CAPSL: variants seen among roughly 807,000 people sequenced by gnomAD.
CAPSL encodes calcyphosin-like protein.
A neutral mutation model predicts 21.3 loss-of-function variants in CAPSL; 17 were observed. The ratio of observed to expected loss-of-function variants is 0.80; its 90% CI spans 0.55 to 1.20. The LOEUF (loss-of-function observed/expected upper bound fraction) is 1.20. Ranked by LOEUF, CAPSL falls within the 50% of genes most tolerant of loss-of-function variation. CAPSL has a pLI of 0.00. For synonymous variants in CAPSL, 102 were observed against 89.3 expected, an observed-to-expected ratio of 1.14 and a Z score of -0.80; for missense variants, 289 against 259.3, an observed-to-expected ratio of 1.11 and a Z score of -0.79.
intron 1 of CAPSL, among the ~76,000 whole-genome samples, chr5:35,933,991 C>A (rs1238468895): frequency 1.3e-5 from 2 of 152,118 alleles, no homozygotes; most frequent in African/African-American, 2.4e-5. Context: ...CGTGAGAAGC[C>A]AACACGTGGC....
chr5:35,910,111 T>G (rs1197346466), intron 3 of CAPSL, 36 bp from the exon 4 acceptor site: 45 of 1,526,378 alleles, frequency 2.9e-5, no homozygotes, highest in Non-Finnish European at 3.9e-5. Context: ...GAGACATACA[T>G]AAGCAAATGA....
At chr5:35,907,423 A>G (rs573947879) in intron 4 of CAPSL, among the ~76,000 whole-genome samples, 1 of 152,334 alleles carries the variant, frequency 6.6e-6, no homozygotes, top group East Asian at 1.9e-4. Context: ...AAAGTCATAT[A>G]TACACATGAA....
At chr5:35,914,400 A>T (rs1361909936) in intron 2 of CAPSL, among the ~76,000 whole-genome samples, 1 of 152,204 alleles carries the variant, frequency 6.6e-6, no homozygotes, top group Non-Finnish European at 1.5e-5. Context: ...AATCAACAGA[A>T]TATACATTCT....
chr5:35,925,117 G>A (rs1738638460), intron 1 of CAPSL, among the ~76,000 whole-genome samples: 1 of 152,246 alleles, frequency 6.6e-6, no homozygotes, highest in African/African-American at 2.4e-5. Context: ...ACATTCCCCC[G>A]GCCAGGCATG....
At chr5:35,917,504 G>T (rs1250891669) in intron 2 of CAPSL, among the ~76,000 whole-genome samples, 1 of 152,132 alleles carries the variant, frequency 6.6e-6, no homozygotes, top group Non-Finnish European at 1.5e-5. Flanking sequence ...AAGAAAATGT[G>T]GCACATATAC....
chr5:35,910,670 G>A, intron 2 of CAPSL, 127 bp from the exon 3 acceptor site: 1 of 663,030 alleles, frequency 1.5e-6, no homozygotes, highest in South Asian at 2.4e-5. Flanking sequence ...ATTCTTCTCT[G>A]CACCCTCCTT....
chr5:35,926,341 G>A (rs1738683257), intron 1 of CAPSL, among the ~76,000 whole-genome samples: 1 of 152,194 alleles, frequency 6.6e-6, no homozygotes, highest in East Asian at 1.9e-4. Context: ...CTGGCAGCAA[G>A]GGAGGATATT....
At chr5:35,926,433 T>C (rs991436944) in intron 1 of CAPSL, among the ~76,000 whole-genome samples, 1 of 151,612 alleles carries the variant, frequency 6.6e-6, no homozygotes, top group Admixed American at 6.6e-5. Context: ...CATTCCACTG[T>C]CCTCCCGGTG....
At chr5:35,917,233 TG>T (rs1387708526) in intron 2 of CAPSL, among the ~76,000 whole-genome samples, 5 of 152,156 alleles carry the variant, frequency 3.3e-5, no homozygotes, top group Admixed American at 3.3e-4. Context: ...CTGGAGAGAA[TG>T]TGGAGAAATA....
At chr5:35,913,279 ACT>A (rs1171555602) in intron 2 of CAPSL, among the ~76,000 whole-genome samples, 7 of 152,240 alleles carry the variant, frequency 4.6e-5, no homozygotes, top group African/African-American at 1.7e-4. Flanking sequence ...GTTGGAAAAC[ACT>A]CAGCAGGATA....
At chr5:35,930,368 G>A (rs1738789350) in intron 1 of CAPSL, among the ~76,000 whole-genome samples, 1 of 152,070 alleles carries the variant, frequency 6.6e-6, no homozygotes, top group Non-Finnish European at 1.5e-5. Context: ...TTGTGATATG[G>A]TACATTTTAA....
chr5:35,910,866 A>G (rs566598503), intron 2 of CAPSL, among the ~76,000 whole-genome samples: 3 of 152,348 alleles, frequency 2.0e-5, no homozygotes, highest in South Asian at 2.1e-4. Context: ...TTATAATACT[A>G]TGATGGTGGA....
intron 2 of CAPSL, among the ~76,000 whole-genome samples, chr5:35,916,792 G>A (rs1391209958): frequency 6.6e-6 from 1 of 152,142 alleles, no homozygotes; most frequent in Admixed American, 6.5e-5. Flanking sequence ...TACCATTCAG[G>A]ACATAGGCAT....
chr5:35,925,914 C>G (rs1738662400), intron 1 of CAPSL, among the ~76,000 whole-genome samples: 1 of 151,556 alleles, frequency 6.6e-6, no homozygotes, highest in South Asian at 2.1e-4. Context: ...CCGTCTCTAC[C>G]AATATACAAA....
intron 3 of CAPSL, 131 bp from the exon 4 acceptor site, chr5:35,910,206 C>T (rs116630600): frequency 0.016 from 16,898 of 1,075,824 alleles, 199 homozygotes; most frequent in Non-Finnish European, 0.019. Flanking sequence ...GTAATAGACA[C>T]TACAATTGCT....
intron 4 of CAPSL, among the ~76,000 whole-genome samples, chr5:35,906,672 A>G (rs1401417750): frequency 6.6e-6 from 1 of 152,176 alleles, no homozygotes; most frequent in East Asian, 1.9e-4. Flanking sequence ...GTATAATAAG[A>G]TTTCCTATTT....
At chr5:35,935,731 TACATTTTC>T (rs56744052) in intron 1 of CAPSL, among the ~76,000 whole-genome samples, 2,965 of 152,264 alleles carry the variant, frequency 0.019, 106 homozygotes, top group African/African-American at 0.067. Flanking sequence ...CTTTTGGCCC[TACATTTTC>T]ACCCCAGCCA....
intron 1 of CAPSL, among the ~76,000 whole-genome samples, chr5:35,932,224 C>T (rs1025306591): frequency 1.3e-5 from 2 of 152,026 alleles, no homozygotes; most frequent in African/African-American, 2.4e-5. Flanking sequence ...TTGTGTCCAG[C>T]GACTCATAAT....
At chr5:35,905,293 T>C (rs1049281938) in intron 4 of CAPSL, among the ~76,000 whole-genome samples, 2 of 152,182 alleles carry the variant, frequency 1.3e-5, no homozygotes, top group African/African-American at 2.4e-5. Flanking sequence ...ATTACTTTCC[T>C]TTGGGGAAGG....
Sources: allele counts gnomAD v4.1 joint callset (sites outside exome capture counted in the v4.1 genomes callset), GRCh38; gene constraint gnomAD v4.1.1; transcripts MANE v1.5; gene names NCBI Gene and HGNC (gene_info 2026-07-23, HGNC 2026-07-21).